NR2F1-AS1: variants seen among roughly 807,000 people sequenced by gnomAD.
The protein encoded by NR2F1-AS1 is NR2F1 regulatory antisense RNA 1, also known as NR2F1 antisense RNA 1.
intron 4 of NR2F1-AS1, among the ~76,000 whole-genome samples, chr5:93,522,766 C>A (rs568213290): frequency 6.6e-6 from 1 of 151,732 alleles, no homozygotes; most frequent in African/African-American, 2.4e-5. Context: ...CTCCCCTAGC[C>A]AAGGGAAGCC....
chr5:93,410,850 A>C (rs1748840218), intron 4 of NR2F1-AS1: 1 of 152,200 alleles, frequency 6.6e-6, no homozygotes, highest in Admixed American at 6.5e-5. Flanking sequence ...CTCAAACTAC[A>C]ATGTATTAAT....
intron 4 of NR2F1-AS1, among the ~76,000 whole-genome samples, chr5:93,483,699 T>C (rs1207081001): frequency 6.6e-6 from 1 of 152,078 alleles, no homozygotes; most frequent in Non-Finnish European, 1.5e-5. Flanking sequence ...GCTAAGAACC[T>C]TGAAAAAAGG....
At chr5:93,469,590 A>G (rs576765375) in intron 4 of NR2F1-AS1, among the ~76,000 whole-genome samples, 33 of 152,210 alleles carry the variant, frequency 2.2e-4, no homozygotes, top group African/African-American at 7.9e-4. Flanking sequence ...TCTAGTTTGT[A>G]AGTTTTCTTA....
At chr5:93,474,165 ACAAAATTGTCAATCTTAT>A (rs1162113120) in intron 4 of NR2F1-AS1, among the ~76,000 whole-genome samples, 4 of 152,204 alleles carry the variant, frequency 2.6e-5, no homozygotes, top group Non-Finnish European at 5.9e-5. Context: ...CACTTTGTAT[ACAAAATTGTCAATCTTAT>A]CACATGTATT....
At chr5:93,580,796 G>A (rs530387534), upstream of NR2F1-AS1, 1 of 152,392 alleles carries the variant, frequency 6.6e-6, no homozygotes, top group South Asian at 2.1e-4. Flanking sequence ...TAACTGACCA[G>A]AAGACGGGAG....
chr5:93,471,721 C>T (rs1174986877), intron 4 of NR2F1-AS1, among the ~76,000 whole-genome samples: 1 of 151,844 alleles, frequency 6.6e-6, no homozygotes, highest in Non-Finnish European at 1.5e-5. Flanking sequence ...TTGTATTTCA[C>T]ATGCACAGTA....
intron 4 of NR2F1-AS1, among the ~76,000 whole-genome samples, chr5:93,504,905 C>T (rs1751154804): frequency 6.6e-6 from 1 of 152,108 alleles, no homozygotes. Context: ...CATGTTCTTA[C>T]ATCTCAAAAC....
intron 1 of NR2F1-AS1, among the ~76,000 whole-genome samples, chr5:93,568,915 A>G (rs2149925506): frequency 6.6e-6 from 1 of 152,324 alleles, no homozygotes; most frequent in East Asian, 1.9e-4. Context: ...CTTGACAGTG[A>G]CAAGAGCAAA....
At chr5:93,461,979 T>G (rs1750104566) in intron 4 of NR2F1-AS1, among the ~76,000 whole-genome samples, 1 of 152,182 alleles carries the variant, frequency 6.6e-6, no homozygotes, top group South Asian at 2.1e-4. Context: ...TTTAAACAAG[T>G]TCAATAACAA....
At chr5:93,462,719 C>T (rs1445289225) in intron 4 of NR2F1-AS1, among the ~76,000 whole-genome samples, 1 of 152,146 alleles carries the variant, frequency 6.6e-6, no homozygotes, top group East Asian at 1.9e-4. Flanking sequence ...AGATGAGCAA[C>T]TTGTTGGGAA....
chr5:93,455,120 G>A (rs543659597), intron 4 of NR2F1-AS1, among the ~76,000 whole-genome samples: 163 of 152,304 alleles, frequency 1.1e-3, no homozygotes, highest in Non-Finnish European at 1.8e-3. Flanking sequence ...CTGAAGTGAA[G>A]TGAGGTCTTG....
chr5:93,462,876 G>A (rs1194442951), intron 4 of NR2F1-AS1, among the ~76,000 whole-genome samples: 1 of 152,142 alleles, frequency 6.6e-6, no homozygotes, highest in Non-Finnish European at 1.5e-5. Flanking sequence ...ACATTCTAAA[G>A]GTGACTTCGG....
intron 4 of NR2F1-AS1, among the ~76,000 whole-genome samples, chr5:93,477,007 CAACATAA>C (rs1449499577): frequency 1.3e-5 from 2 of 152,090 alleles, no homozygotes; most frequent in African/African-American, 2.4e-5. Flanking sequence ...TTGATTTGAG[CAACATAA>C]AACAAAAACA....
intron 4 of NR2F1-AS1, among the ~76,000 whole-genome samples, chr5:93,437,185 T>C (rs1169549823): frequency 6.6e-6 from 1 of 152,078 alleles, no homozygotes; most frequent in Non-Finnish European, 1.5e-5. Context: ...AATTGCACTG[T>C]CCAAAATAGT....
At chr5:93,581,613 G>T (rs887689857), upstream of NR2F1-AS1, among the ~76,000 whole-genome samples, 65 of 141,904 alleles carry the variant, frequency 4.6e-4, no homozygotes, top group Non-Finnish European at 8.3e-4. Flanking sequence ...CGCTCCTCCC[G>T]CCTGCCCCTC....
intron 4 of NR2F1-AS1, among the ~76,000 whole-genome samples, chr5:93,548,484 G>T (rs1752141042): frequency 6.6e-6 from 1 of 152,224 alleles, no homozygotes; most frequent in Admixed American, 6.5e-5. Context: ...ACTGGAGAAT[G>T]GCATTATTTT....
At chr5:93,515,158 T>C (rs1480876040) in intron 4 of NR2F1-AS1, among the ~76,000 whole-genome samples, 1 of 151,992 alleles carries the variant, frequency 6.6e-6, no homozygotes, top group Non-Finnish European at 1.5e-5. Context: ...CTTATTCCAC[T>C]GATTTTAAGT....
intron 4 of NR2F1-AS1, chr5:93,411,087 C>G (rs1748846119): frequency 6.6e-6 from 1 of 152,072 alleles, no homozygotes; most frequent in Non-Finnish European, 1.5e-5. Context: ...AACAATGTAC[C>G]CTGAAACTAA....
chr5:93,502,622 T>C (rs937739967), intron 4 of NR2F1-AS1, among the ~76,000 whole-genome samples: 5 of 151,986 alleles, frequency 3.3e-5, no homozygotes, highest in Non-Finnish European at 7.4e-5. Flanking sequence ...CTTATTCCAT[T>C]GAAAAGGGAT....
Sources: allele counts gnomAD v4.1 joint callset (sites outside exome capture counted in the v4.1 genomes callset), GRCh38; gene constraint gnomAD v4.1.1; transcripts MANE v1.5; gene names NCBI Gene and HGNC (gene_info 2026-07-23, HGNC 2026-07-21).